TMEM132D: variants seen among roughly 807,000 people sequenced by gnomAD.
The protein encoded by TMEM132D is transmembrane protein 132D.
In TMEM132D, 21 loss-of-function variants were observed where a neutral mutation model predicts 62.3. That is an observed-to-expected ratio of 0.34 (90% confidence interval 0.24 to 0.49). The LOEUF (loss-of-function observed/expected upper bound fraction) is 0.49, where lower values mean the gene tolerates loss of function less well. Ranked by LOEUF, TMEM132D falls within the 20% of genes least tolerant of loss-of-function variation. The pLI is 0.99. For synonymous variants in TMEM132D, 621 were observed against 575.6 expected, an observed-to-expected ratio of 1.08 and a Z score of -1.13; for missense variants, 1,346 against 1,402.8, an observed-to-expected ratio of 0.96 and a Z score of 0.65.
At chr12:129,545,475 A>G (rs7965746) in intron 2 of TMEM132D, among the ~76,000 whole-genome samples, 49,397 of 152,096 alleles carry the variant, frequency 0.32, 8,525 homozygotes, top group East Asian at 0.52. Flanking sequence ...AAGAACAGTT[A>G]ACATGAGATC....
At position 129,087,908 on chromosome 12, in the gene TMEM132D, G is replaced by A. The variant is rs1285817512; in HGVS notation, c.1444-3206C>T. ...CCTGACCGGGGTGTCCTCCCTGACC[G>A]GGGTGTCCTCCCTGACCGGGTGTCC... is the stretch of plus-strand genomic sequence containing the variant. On this transcript the variant is annotated intron_variant, in intron 5 of 8. Coordinates refer to ENST00000422113, the MANE Select transcript of TMEM132D (RefSeq NM_133448.3). Among the ~76,000 whole-genome samples, 29 of 107,844 alleles carry A rather than the reference G, an allele frequency of 2.7e-4. 4 individuals carry two copies. The highest frequency in any genetic ancestry group is 1.1e-3 in the African/African-American group (24 of 22,724). 70.7% of individuals were successfully genotyped at this position (107,844 alleles called of 152,430 possible). A position where few individuals can be genotyped will look rare whatever the true frequency, so the allele number is the denominator to read the frequency against.
At chr12:129,632,867 A>C (rs961187171) in intron 2 of TMEM132D, among the ~76,000 whole-genome samples, 4 of 152,164 alleles carry the variant, frequency 2.6e-5, no homozygotes, top group Non-Finnish European at 5.9e-5. Context: ...CCACTTTGTG[A>C]CACTTTGTCA....
At chr12:129,810,148 A>G (rs1373200058) in intron 1 of TMEM132D, among the ~76,000 whole-genome samples, 4 of 152,214 alleles carry the variant, frequency 2.6e-5, no homozygotes, top group Non-Finnish European at 5.9e-5. Context: ...TAGCATTTTT[A>G]TTAAGAACAA....
chr12:129,208,079 G>A (rs117288887), intron 5 of TMEM132D, among the ~76,000 whole-genome samples: 25 of 152,220 alleles, frequency 1.6e-4, no homozygotes, highest in African/African-American at 5.1e-4. Flanking sequence ...TGGTCATATC[G>A]CCCGTGACCG....
chr12:129,084,649 C>T lies in TMEM132D; in HGVS notation c.1497G>A (p.Lys499=). The change falls in exon 6 of 9, where the codon AAG becomes AAA. Residue 499 remains lysine, a synonymous_variant. Coordinates refer to ENST00000422113, the MANE Select transcript of TMEM132D (RefSeq NM_133448.3). ...AGGTGAAGTTCACCACCACGTTGAC[C>T]TTGCCTTTCATTTCTTTCCCATTGA... is the stretch of plus-strand genomic sequence containing the variant. ...VFVNGKEMKG[K]VNVVVNFTYQ... 2 of 1,614,158 alleles carry T rather than the reference C, an allele frequency of 1.2e-6. No homozygotes were observed. The highest frequency in any genetic ancestry group is 1.7e-6 in the Non-Finnish European group (2 of 1,180,030).
At chr12:129,503,165 C>T (rs1400113631) in intron 3 of TMEM132D, among the ~76,000 whole-genome samples, 1 of 152,140 alleles carries the variant, frequency 6.6e-6, no homozygotes, top group African/African-American at 2.4e-5. Context: ...AGCTGACAAA[C>T]CTGTACTTCC....
At chr12:129,556,127 C>T (rs1877049805) in intron 2 of TMEM132D, among the ~76,000 whole-genome samples, 2 of 152,214 alleles carry the variant, frequency 1.3e-5, no homozygotes, top group South Asian at 2.1e-4. Context: ...TTTGCCTTCA[C>T]TACACGAGTA....
chr12:129,451,304 A>C (rs371760054), intron 3 of TMEM132D, among the ~76,000 whole-genome samples: 4 of 152,342 alleles, frequency 2.6e-5, no homozygotes, highest in African/African-American at 9.6e-5. Context: ...TAGAACTCTG[A>C]TAAGCAGGCA....
intron 1 of TMEM132D, among the ~76,000 whole-genome samples, chr12:129,760,466 G>A (rs1401798867): frequency 6.7e-6 from 1 of 149,652 alleles, no homozygotes; most frequent in African/African-American, 2.4e-5. Flanking sequence ...TGAGTAGCTG[G>A]GACTACAGGC....
chr12:129,899,300 C>G (rs11613294), intron 1 of TMEM132D, among the ~76,000 whole-genome samples: 32 of 85,596 alleles, frequency 3.7e-4, no homozygotes, highest in African/African-American at 5.6e-4. Flanking sequence ...TGGATGGATG[C>G]ATGCATGGAT....
chr12:129,616,190 G>A (rs1878912972), intron 2 of TMEM132D, among the ~76,000 whole-genome samples: 1 of 152,200 alleles, frequency 6.6e-6, no homozygotes, highest in South Asian at 2.1e-4. Flanking sequence ...AAACCTGCAT[G>A]CTGAGACTCA....
At chr12:129,616,059 T>A (rs1389667896) in intron 2 of TMEM132D, among the ~76,000 whole-genome samples, 1 of 152,124 alleles carries the variant, frequency 6.6e-6, no homozygotes, top group Non-Finnish European at 1.5e-5. Context: ...AAACAACACA[T>A]TAGAAAACAA....
intron 3 of TMEM132D, among the ~76,000 whole-genome samples, chr12:129,391,759 C>CT (rs1329922414): frequency 6.6e-6 from 1 of 152,180 alleles, no homozygotes; most frequent in African/African-American, 2.4e-5. Context: ...ATCAGTATTT[C>CT]TTTTTTTATT....
At chr12:129,315,046 G>A (rs1868438353) in intron 4 of TMEM132D, among the ~76,000 whole-genome samples, 1 of 152,078 alleles carries the variant, frequency 6.6e-6, no homozygotes, top group Non-Finnish European at 1.5e-5. Flanking sequence ...GCTTTCAGGA[G>A]GAGTACTTAG....
At chr12:129,747,039 C>G (rs1015642604) in intron 1 of TMEM132D, among the ~76,000 whole-genome samples, 1 of 152,184 alleles carries the variant, frequency 6.6e-6, no homozygotes, top group Non-Finnish European at 1.5e-5. Flanking sequence ...CTCTGCACAG[C>G]AGCCAGAGTG....
chr12:129,189,716 T>C, intron 5 of TMEM132D, among the ~76,000 whole-genome samples: 1 of 152,164 alleles, frequency 6.6e-6, no homozygotes, highest in Non-Finnish European at 1.5e-5. Flanking sequence ...CACAACACCA[T>C]TTAAATTTCA....
At chr12:129,723,716 T>C (rs149059750) in intron 1 of TMEM132D, among the ~76,000 whole-genome samples, 50 of 152,330 alleles carry the variant, frequency 3.3e-4, no homozygotes, top group Non-Finnish European at 5.7e-4. Flanking sequence ...GTCCTTCTTA[T>C]CTTCTTTAAT....
At chr12:129,222,198 T>C (rs1310949270) in intron 4 of TMEM132D, among the ~76,000 whole-genome samples, 1 of 152,192 alleles carries the variant, frequency 6.6e-6, no homozygotes, top group African/African-American at 2.4e-5. Flanking sequence ...AGGCTGGGCA[T>C]GTGGTCATGC....
chr12:129,384,737 C>T (rs1871055951), intron 3 of TMEM132D, among the ~76,000 whole-genome samples: 1 of 152,200 alleles, frequency 6.6e-6, no homozygotes. Flanking sequence ...CATTCAAACA[C>T]AGTCTCCAGG....
Sources: allele counts gnomAD v4.1 joint callset (sites outside exome capture counted in the v4.1 genomes callset), GRCh38; gene constraint gnomAD v4.1.1; transcripts MANE v1.5; gene names NCBI Gene and HGNC (gene_info 2026-07-23, HGNC 2026-07-21).